Variants in GTF2F2 observed in about 807,000 individuals in gnomAD.
GTF2F2 encodes the protein ATP-dependent helicase GTF2F2.
Under a neutral mutation model 42.2 loss-of-function variants are expected in GTF2F2, and 23 were observed. The observed-to-expected ratio is 0.55, with a 90% confidence interval of 0.39 to 0.77. The LOEUF (loss-of-function observed/expected upper bound fraction) is 0.77. Among genes scored for constraint, GTF2F2 ranks in the 30% least tolerant of loss-of-function variants. GTF2F2 has a pLI of 0.00. For synonymous variants in GTF2F2, 105 were observed against 100.8 expected, an observed-to-expected ratio of 1.04 and a Z score of -0.25; for missense variants, 261 against 287.2, an observed-to-expected ratio of 0.91 and a Z score of 0.66.
chr13:45,275,319 A>ATTG (rs922770373), intron 7 of GTF2F2, among the ~76,000 whole-genome samples: 6 of 151,926 alleles, frequency 3.9e-5, no homozygotes, highest in Admixed American at 3.3e-4. Flanking sequence ...TATTATTATT[A>ATTG]TTATTTAAGT....
intron 5 of GTF2F2, 107 bp from the exon 6 acceptor site, chr13:45,252,764 C>T (rs930152067): frequency 1.7e-4 from 101 of 610,952 alleles, no homozygotes; most frequent in South Asian, 1.6e-3. Context: ...TCTGAGGTTA[C>T]CTTTTTATAT....
At chr13:45,122,845 T>C (rs1868728941) in intron 1 of GTF2F2, among the ~76,000 whole-genome samples, 1 of 152,204 alleles carries the variant, frequency 6.6e-6, no homozygotes, top group Admixed American at 6.5e-5. Context: ...ATAGATCATC[T>C]TGTACATATT....
chr13:45,273,460 A>ATT (rs1279955096), intron 7 of GTF2F2, among the ~76,000 whole-genome samples: 4 of 152,106 alleles, frequency 2.6e-5, no homozygotes, highest in African/African-American at 7.2e-5. Context: ...AATTTTACGT[A>ATT]AGGTATTACA....
Position 45,275,874 on chromosome 13 carries a change from C to T in GTF2F2, c.631-7568C>T, listed in dbSNP as rs182258545. ...CTAGTTCTAGATCCTTGAGGAATCGCCACACTGTCTTCCACAATGGTTGAA... is the reference window on the plus strand; with the variant it reads ...CTAGTTCTAGATCCTTGAGGAATCGTCACACTGTCTTCCACAATGGTTGAA... On this transcript the variant is annotated intron_variant, in intron 7 of 7. Transcript: ENST00000340473. 2.0e-3 allele frequency among the ~76,000 whole-genome samples: 299 copies of T among 152,300 alleles called. 3 individuals carry two copies. The highest frequency in any genetic ancestry group is 6.8e-3 in the African/African-American group (281 of 41,580).
intron 4 of GTF2F2, among the ~76,000 whole-genome samples, chr13:45,163,515 G>A (rs1871131746): frequency 6.6e-6 from 1 of 151,584 alleles, no homozygotes; most frequent in Non-Finnish European, 1.5e-5. Context: ...CAGCCTGGGC[G>A]ACAGAGTGAG....
chr13:45,242,158 CA>C (rs930366435), intron 5 of GTF2F2, among the ~76,000 whole-genome samples: 51 of 151,274 alleles, frequency 3.4e-4, no homozygotes, highest in African/African-American at 1.2e-3. Context: ...ATATCTTTTT[CA>C]TATTAGTAAA....
chr13:45,228,071 T>G lies in GTF2F2; in HGVS notation c.386+20566T>G, dbSNP rs574116375. Among the ~76,000 whole-genome samples, 8 of 149,944 alleles carry G rather than the reference T, an allele frequency of 5.3e-5. No individual in the cohort carries two copies. The East Asian group carries it at 8.0e-4, about 15-fold the overall frequency. On this transcript the variant is annotated intron_variant, in intron 5 of 7. Transcript: ENST00000340473. ...TTGTAGCTTTTTCCTTTTCATTTCT[T>G]GAGCAGTACCTGACATTGGGCCAGA... is the stretch of plus-strand genomic sequence containing the variant.
chr13:45,258,180 G>A lies in GTF2F2; in HGVS notation c.486+5210G>A, dbSNP rs1876180406. Among the ~76,000 whole-genome samples the A allele has an allele frequency of 2.0e-5, 3 of 151,926 alleles. No individual in the cohort carries two copies. In the East Asian group the frequency reaches 5.8e-4, roughly 30 times the overall value. On this transcript the variant is annotated intron_variant, in intron 6 of 7. Transcript: ENST00000340473. ...TTTTAAATATGGCTTGTCATGCCCT[G>A]TCTTTAATGATGACTCAGTTAGTGT...
chr13:45,283,607 T>C lies in GTF2F2; in HGVS notation c.*46T>C, dbSNP rs756134166. 2 of 1,531,956 alleles carry C rather than the reference T, an allele frequency of 1.3e-6. No individual in the cohort carries two copies. The highest frequency in any genetic ancestry group is 8.8e-7 in the Non-Finnish European group (1 of 1,139,120). 94.9% of individuals were successfully genotyped at this position (1,531,956 alleles called of 1,614,324 possible). On this transcript the variant is annotated 3_prime_UTR_variant, in exon 8 of 8. Coordinates refer to ENST00000340473, the MANE Select transcript of GTF2F2 (RefSeq NM_004128.3). Reference sequence around the variant, plus strand: ...CTAGTGAAACGACTAGCAGCGATGCTATGCAAAAGGCGCTGATACTGGAAG... The same window carrying C: ...CTAGTGAAACGACTAGCAGCGATGCCATGCAAAAGGCGCTGATACTGGAAG...
intron 7 of GTF2F2, among the ~76,000 whole-genome samples, chr13:45,269,252 G>C (rs1248767870): frequency 6.6e-6 from 1 of 152,098 alleles, no homozygotes; most frequent in Non-Finnish European, 1.5e-5. Context: ...CTCATGAATT[G>C]ATTTGAAAAA....
chr13:45,254,709 A>G (rs559002436), intron 6 of GTF2F2, among the ~76,000 whole-genome samples: 3 of 152,362 alleles, frequency 2.0e-5, no homozygotes, highest in South Asian at 2.1e-4. Flanking sequence ...TAAAAGGGCT[A>G]AGGGTTTTGG....
chr13:45,155,795 G>A (rs994910689), intron 4 of GTF2F2, among the ~76,000 whole-genome samples: 8 of 151,788 alleles, frequency 5.3e-5, no homozygotes, highest in Admixed American at 2.6e-4. Flanking sequence ...CATGGAGCTC[G>A]CTTATCCATT....
rs190181496 is a variant in GTF2F2 at position 45,200,652 on chromosome 13, T to C, written c.305-6772T>C. On this transcript the variant is annotated intron_variant, in intron 4 of 7. Coordinates refer to ENST00000340473, the MANE Select transcript of GTF2F2 (RefSeq NM_004128.3). ...TACTTCACAAGTAAAGAGCAGCTTTTTAATAATACAGGGATAGAAAGTTTG... is the reference window on the plus strand; with the variant it reads ...TACTTCACAAGTAAAGAGCAGCTTTCTAATAATACAGGGATAGAAAGTTTG... Among the ~76,000 whole-genome samples, 19 of 152,328 alleles carry C rather than the reference T, an allele frequency of 1.2e-4. No individual in the cohort carries two copies. The Middle Eastern group carries it at 0.014, about 109-fold the overall frequency.
chr13:45,168,579 C>T (rs754560906), intron 4 of GTF2F2, among the ~76,000 whole-genome samples: 6 of 152,096 alleles, frequency 3.9e-5, no homozygotes, highest in African/African-American at 7.2e-5. Flanking sequence ...TTTTCCAACC[C>T]TCAGTGTTTT....
intron 4 of GTF2F2, among the ~76,000 whole-genome samples, chr13:45,195,386 T>C (rs914798404): frequency 6.6e-6 from 1 of 152,228 alleles, no homozygotes; most frequent in Non-Finnish European, 1.5e-5. Flanking sequence ...CGGAGCCTGC[T>C]TCTGTGCTGA....
At chr13:45,240,138 C>A in intron 5 of GTF2F2, among the ~76,000 whole-genome samples, 1 of 109,860 alleles carries the variant, frequency 9.1e-6, no homozygotes, top group African/African-American at 4.5e-5. Context: ...AGTTCTTAGC[C>A]TGAACACCAA....
Position 45,242,480 on chromosome 13 carries a change from A to G in GTF2F2, c.387-10391A>G, listed in dbSNP as rs147838170. Among the ~76,000 whole-genome samples, 667 of 152,268 alleles carry G rather than the reference A, an allele frequency of 4.4e-3. 7 individuals are homozygous for G. Among genetic ancestry groups the G allele is most frequent in the Non-Finnish European group, 6.4e-3 (435 of 68,020 alleles). ...TTGTAGAACCTATCCTTTAAAAAAT[A>G]ACAAATTGCAATCAAATGCACAAAA... is the stretch of plus-strand genomic sequence containing the variant. On this transcript the variant is annotated intron_variant, in intron 5 of 7. Transcript: ENST00000340473.
intron 7 of GTF2F2, among the ~76,000 whole-genome samples, chr13:45,274,622 C>T (rs953216356): frequency 1.3e-5 from 2 of 152,092 alleles, no homozygotes; most frequent in Non-Finnish European, 2.9e-5. Flanking sequence ...AGCCACCACG[C>T]CCGACCAAAT....
intron 5 of GTF2F2, among the ~76,000 whole-genome samples, chr13:45,230,662 A>G (rs554554556): frequency 5.2e-4 from 79 of 152,316 alleles, no homozygotes; most frequent in African/African-American, 1.9e-3. Context: ...CCATTTTGAG[A>G]TAAAATTGTT....
Sources: allele counts gnomAD v4.1 joint callset (sites outside exome capture counted in the v4.1 genomes callset), GRCh38; gene constraint gnomAD v4.1.1; transcripts MANE v1.5; gene names NCBI Gene and HGNC (gene_info 2026-07-23, HGNC 2026-07-21).